The following DPP10 variants were observed in gnomAD, a reference collection of about 807,000 sequenced individuals.
DPP10 encodes dipeptidyl peptidase like 10, also known as inactive dipeptidyl peptidase 10.
A neutral mutation model predicts 120.9 loss-of-function variants in DPP10; 33 were observed. The observed-to-expected ratio is 0.27, with a 90% CI of 0.21 to 0.37. The LOEUF (loss-of-function observed/expected upper bound fraction) is 0.37. DPP10 is among the 10% of genes least tolerant of loss of function. DPP10 has a pLI of 1.00. For synonymous variants in DPP10, 337 were observed against 326.1 expected, an observed-to-expected ratio of 1.03 and a Z score of -0.36; for missense variants, 816 against 942.8, an observed-to-expected ratio of 0.87 and a Z score of 1.76.
At chr2:114,498,720 T>A (rs1032296410) in intron 1 of DPP10, among the ~76,000 whole-genome samples, 3 of 152,152 alleles carry the variant, frequency 2.0e-5, no homozygotes, top group African/African-American at 7.2e-5. Context: ...ATGACATTAG[T>A]CCATTCAGGA....
intron 3 of DPP10, among the ~76,000 whole-genome samples, chr2:115,376,631 A>G (rs2065819745): frequency 6.6e-6 from 1 of 151,180 alleles, no homozygotes; most frequent in Non-Finnish European, 1.5e-5. Flanking sequence ...TACATGTGCC[A>G]TGCTGGTGCG....
chr2:115,527,789 T>G (rs934268759), intron 5 of DPP10, among the ~76,000 whole-genome samples: 1 of 152,084 alleles, frequency 6.6e-6, no homozygotes, highest in African/African-American at 2.4e-5. Context: ...AATAGGTAAA[T>G]GCAAATTGAA....
At chr2:114,530,079 T>C (rs2104726832) in intron 1 of DPP10, among the ~76,000 whole-genome samples, 1 of 152,278 alleles carries the variant, frequency 6.6e-6, no homozygotes, top group Middle Eastern at 3.4e-3. Flanking sequence ...AATCTTCCTC[T>C]TCATGACACT....
At chr2:114,824,303 G>A (rs990392079) in intron 1 of DPP10, among the ~76,000 whole-genome samples, 10 of 152,174 alleles carry the variant, frequency 6.6e-5, no homozygotes, top group Admixed American at 2.0e-4. Context: ...ATAATAGTAT[G>A]TGACTGATGA....
At chr2:115,108,436 A>T (rs1559104812) in intron 1 of DPP10, among the ~76,000 whole-genome samples, 1 of 152,224 alleles carries the variant, frequency 6.6e-6, no homozygotes, top group Non-Finnish European at 1.5e-5. Flanking sequence ...TGTAAAATCT[A>T]TCTTTCCAAC....
At chr2:115,619,220 G>A (rs2084762722) in intron 5 of DPP10, among the ~76,000 whole-genome samples, 1 of 149,476 alleles carries the variant, frequency 6.7e-6, no homozygotes, top group Non-Finnish European at 1.5e-5. Flanking sequence ...TGGGACTACA[G>A]GTGCGTGCCA....
At chr2:114,670,213 A>T (rs557422356) in intron 1 of DPP10, among the ~76,000 whole-genome samples, 1 of 152,142 alleles carries the variant, frequency 6.6e-6, no homozygotes, top group East Asian at 1.9e-4. Context: ...ATAAAGACAC[A>T]TGCACACGTA....
rs527865383 is a variant in DPP10, at chr2:115,843,686, C to A, written c.*1341C>A. ...TAAGTAACTGAGAGCATAAAATAAACCTGACTGTATGAAGTCAATTTAAGT... is the reference window on the plus strand; with the variant it reads ...TAAGTAACTGAGAGCATAAAATAAAACTGACTGTATGAAGTCAATTTAAGT... On this transcript the variant is annotated 3_prime_UTR_variant, in exon 26 of 26. Coordinates refer to ENST00000410059, the MANE Select transcript of DPP10 (RefSeq NM_020868.6). 3.1e-4 allele frequency: 47 copies of A among 152,258 alleles called. No homozygotes were observed. Among genetic ancestry groups the A allele is most frequent in the African/African-American group, 1.1e-3 (47 of 41,566 alleles). The allele number at this position is 152,258 out of a possible 1,614,324, so 9.4% of individuals were successfully genotyped here.
At chr2:115,385,015 A>T (rs12474916) in intron 3 of DPP10, among the ~76,000 whole-genome samples, 9 of 152,058 alleles carry the variant, frequency 5.9e-5, no homozygotes, top group Non-Finnish European at 1.2e-4. Context: ...TTCTCATTTT[A>T]TCTTGCTGCC....
At chr2:114,648,305 C>G (rs1696293385) in intron 1 of DPP10, among the ~76,000 whole-genome samples, 3 of 152,170 alleles carry the variant, frequency 2.0e-5, no homozygotes, top group African/African-American at 2.4e-5. Context: ...ATCTATGAAA[C>G]TAGCAGGTTA....
At chr2:115,665,649 C>T (rs1052691930) in intron 5 of DPP10, among the ~76,000 whole-genome samples, 4 of 152,040 alleles carry the variant, frequency 2.6e-5, no homozygotes, top group African/African-American at 9.7e-5. Context: ...CTATATTTTA[C>T]CCCACTCTAA....
At chr2:115,419,817 C>T (rs1166508665) in intron 3 of DPP10, among the ~76,000 whole-genome samples, 3 of 151,990 alleles carry the variant, frequency 2.0e-5, no homozygotes, top group Non-Finnish European at 4.4e-5. Context: ...TTAAAAATAT[C>T]TAAAACCATT....
At chr2:115,079,109 G>A (rs910235706) in intron 1 of DPP10, among the ~76,000 whole-genome samples, 4 of 152,290 alleles carry the variant, frequency 2.6e-5, no homozygotes, top group African/African-American at 7.2e-5. Context: ...GGCCGGGCGC[G>A]GTGGCTCACG....
chr2:115,233,928 G>A (rs2057867861), intron 1 of DPP10: 1 of 518,048 alleles, frequency 1.9e-6, no homozygotes, highest in African/African-American at 1.9e-5. Context: ...GTATCAGGTG[G>A]ATTTAAAGCT....
chr2:115,405,091 AAAAGTCT>A (rs2068409404), intron 3 of DPP10, among the ~76,000 whole-genome samples: 2 of 152,200 alleles, frequency 1.3e-5, no homozygotes, highest in African/African-American at 4.8e-5. Flanking sequence ...GCACTAAGGC[AAAAGTCT>A]AAAGTCCAAA....
At chr2:115,240,363 G>C (rs2058215809) in intron 1 of DPP10, among the ~76,000 whole-genome samples, 1 of 152,160 alleles carries the variant, frequency 6.6e-6, no homozygotes, top group South Asian at 2.1e-4. Context: ...GTGATGATGA[G>C]CTTTTTTTCA....
At chr2:115,074,044 C>G (rs1336339533) in intron 1 of DPP10, among the ~76,000 whole-genome samples, 1 of 152,160 alleles carries the variant, frequency 6.6e-6, no homozygotes, top group Non-Finnish European at 1.5e-5. Flanking sequence ...TAGAGTCTTG[C>G]TCTGTTTTCC....
intron 4 of DPP10, among the ~76,000 whole-genome samples, chr2:115,524,680 A>G (rs890704434): frequency 2.0e-5 from 3 of 152,128 alleles, no homozygotes; most frequent in African/African-American, 4.8e-5. Context: ...GATTGATGTG[A>G]TCTGATGACC....
chr2:115,720,739 A>G (rs1235820458), intron 7 of DPP10, among the ~76,000 whole-genome samples: 2 of 152,184 alleles, frequency 1.3e-5, no homozygotes, highest in Non-Finnish European at 2.9e-5. Context: ...TATTACATCA[A>G]ATTAAAAGAC....
Sources: gnomAD v4.1 joint callset for allele counts (sites outside exome capture counted in the v4.1 genomes callset) on GRCh38, gnomAD v4.1.1 for gene constraint, MANE v1.5 for transcripts, NCBI Gene and HGNC (gene_info 2026-07-23, HGNC 2026-07-21) for gene names.